PLA2G4A: variants seen among roughly 807,000 people sequenced by gnomAD.
The protein encoded by PLA2G4A is phospholipase A2 group IVA, also known as cytosolic phospholipase A2.
PLA2G4A carries 40 observed loss-of-function variants against 81.9 expected under a neutral mutation model. The ratio of observed to expected loss-of-function variants is 0.49; its 90% CI spans 0.38 to 0.64. The LOEUF is 0.64. PLA2G4A is among the 30% of genes least tolerant of loss of function. The probability of loss-of-function intolerance (pLI) is 0.00; values close to 1 mark genes in which losing one functional copy is unlikely to be tolerated. For synonymous variants in PLA2G4A, 302 were observed against 296.9 expected, an observed-to-expected ratio of 1.02 and a Z score of -0.18; for missense variants, 715 against 905.1, an observed-to-expected ratio of 0.79 and a Z score of 2.69.
At chr1:186,962,568 C>A (rs1333735294) in intron 14 of PLA2G4A, among the ~76,000 whole-genome samples, 1 of 151,710 alleles carries the variant, frequency 6.6e-6, no homozygotes, top group African/African-American at 2.4e-5. Context: ...GTCGCCCAGG[C>A]TGCAGTGCAG....
intron 15 of PLA2G4A, among the ~76,000 whole-genome samples, chr1:186,970,226 A>G (rs1657302251): frequency 2.0e-5 from 3 of 151,934 alleles, no homozygotes; most frequent in African/African-American, 7.2e-5. Flanking sequence ...CGAAGTATCT[A>G]TTCAGATCTT....
intron 14 of PLA2G4A, among the ~76,000 whole-genome samples, chr1:186,962,966 A>C (rs1266378696): frequency 6.6e-6 from 1 of 152,188 alleles, no homozygotes; most frequent in Non-Finnish European, 1.5e-5. Context: ...TCTGTTTGAA[A>C]ATAGACAATT....
intron 3 of PLA2G4A, chr1:186,870,880 C>T (rs959487139): frequency 5.8e-6 from 3 of 515,028 alleles, no homozygotes; most frequent in African/African-American, 5.8e-5. Flanking sequence ...TGAACGATAA[C>T]ATTTCGAACA....
At chr1:186,951,453 T>TAA (rs10647022) in intron 13 of PLA2G4A, among the ~76,000 whole-genome samples, 140,082 of 149,936 alleles carry the variant, frequency 0.93, 65,473 homozygotes, top group East Asian at 1. Flanking sequence ...TCCCAATAGT[T>TAA]AAAAAAAAGC....
Position 186,965,609 on chromosome 1 carries a change from A to G in PLA2G4A, c.1764+16A>G. On this transcript the variant is annotated intron_variant, in intron 15 of 17. Coordinates refer to ENST00000367466, the MANE Select transcript of PLA2G4A (RefSeq NM_024420.3). Reference sequence around the variant, plus strand: ...TCCGTTCAAGGTAAGGATACATAATACAGCATTCCATTCTCTACCACATTC... The same window carrying G: ...TCCGTTCAAGGTAAGGATACATAATGCAGCATTCCATTCTCTACCACATTC... 1 of 1,568,210 alleles carries G rather than the reference A, an allele frequency of 6.4e-7. No individual in the cohort carries two copies. The highest frequency in any genetic ancestry group is 2.2e-5 in the East Asian group (1 of 44,668).
Position 186,965,425 on chromosome 1 carries a change from G to C in PLA2G4A, c.1596G>C (p.Glu532Asp). 2 of 1,605,524 alleles carry C rather than the reference G, an allele frequency of 1.2e-6. No homozygotes were observed. The highest frequency in any genetic ancestry group is 1.7e-6 in the Non-Finnish European group (2 of 1,172,322). The change falls in exon 15 of 18, where the codon GAG (glutamate) becomes GAC (aspartate). Residue 532 changes from glutamate to aspartate, a missense_variant. Physicochemically the swap from Glu to Asp is conservative, Grantham distance 45. Coordinates refer to ENST00000367466, the MANE Select transcript of PLA2G4A (RefSeq NM_024420.3). ...GTTTTTAAGATCCTGATGAATTTGA[G>C]CGAATATATGAGCCTCTGGATGTCA... The part of the protein sequence containing the change: ...DAAVADPDEF[E>D]RIYEPLDVKS...
intron 3 of PLA2G4A, among the ~76,000 whole-genome samples, chr1:186,888,630 T>C (rs2102099924): frequency 6.6e-6 from 1 of 152,344 alleles, no homozygotes; most frequent in Non-Finnish European, 1.5e-5. Flanking sequence ...AACATTTGAC[T>C]CACTTCCATA....
intron 1 of PLA2G4A, among the ~76,000 whole-genome samples, chr1:186,830,037 G>A (rs1172521952): frequency 6.6e-6 from 1 of 152,168 alleles, no homozygotes. Context: ...AGGGATATTT[G>A]TAGAGGACTG....
chr1:186,834,197 C>T (rs1356064506), intron 1 of PLA2G4A, among the ~76,000 whole-genome samples: 3 of 151,452 alleles, frequency 2.0e-5, no homozygotes, highest in Non-Finnish European at 2.9e-5. Flanking sequence ...AAGCTGTTTT[C>T]TCACTATCTA....
Position 186,851,614 on chromosome 1 carries a change from T to C in PLA2G4A, c.-69-2672T>C, listed in dbSNP as rs144138779. Among the ~76,000 whole-genome samples the C allele has an allele frequency of 8.5e-4, 129 of 152,106 alleles. 1 individual carries two copies. The East Asian group carries it at 0.024, about 28-fold the overall frequency. ...CACTTTAAAAATGTTGTAATAGAAA[T>C]AGCACAGAAAATGCTGATAATGGGA... On this transcript the variant is annotated intron_variant, in intron 1 of 17. Coordinates refer to ENST00000367466, the MANE Select transcript of PLA2G4A (RefSeq NM_024420.3).
intron 3 of PLA2G4A, 192 bp downstream of exon 3, chr1:186,870,708 T>G: frequency 1.3e-6 from 2 of 1,501,378 alleles, no homozygotes; most frequent in Non-Finnish European, 1.8e-6. Context: ...GGGCCTTAAA[T>G]TAGCCAAAGT....
chr1:186,949,346 GAGAA>G (rs71104902), intron 12 of PLA2G4A, among the ~76,000 whole-genome samples: 39 of 96,578 alleles, frequency 4.0e-4, no homozygotes, highest in African/African-American at 1.2e-3. Flanking sequence ...AAGAAAGAAA[GAGAA>G]AGAAAGAAAG....
Position 186,839,231 on chromosome 1 carries a change from T to G in PLA2G4A, c.-70+10196T>G, listed in dbSNP as rs542820734. Among the ~76,000 whole-genome samples, 159 of 152,334 alleles carry G rather than the reference T, an allele frequency of 1.0e-3. 2 individuals carry two copies. The highest frequency in any genetic ancestry group is 3.5e-3 in the African/African-American group (146 of 41,572). On this transcript the variant is annotated intron_variant, in intron 1 of 17. Transcript: ENST00000367466. ...GCATGGTGAGAAGAGAGAGTGTTTT[T>G]TGTGGTCAGATGGATTTCAGTTTGT...
chr1:186,938,728 C>A (rs1656041366), intron 8 of PLA2G4A, among the ~76,000 whole-genome samples: 2 of 152,102 alleles, frequency 1.3e-5, no homozygotes, highest in Admixed American at 6.6e-5. Context: ...CCTGGCACAC[C>A]AGACAATGGA....
At chr1:186,872,105 G>A (rs1653295423) in intron 3 of PLA2G4A, among the ~76,000 whole-genome samples, 2 of 151,946 alleles carry the variant, frequency 1.3e-5, no homozygotes, top group African/African-American at 4.8e-5. Context: ...GGAGAGCAAT[G>A]GCAATTTCTT....
chr1:186,926,979 G>A (rs1655572461), intron 7 of PLA2G4A, among the ~76,000 whole-genome samples: 1 of 152,130 alleles, frequency 6.6e-6, no homozygotes, highest in African/African-American at 2.4e-5. Flanking sequence ...TAATGAACTA[G>A]TCAAATAGTT....
At position 186,854,272 on chromosome 1, in the gene PLA2G4A, T is replaced by G. The variant is rs1456617514; in HGVS notation, c.-69-14T>G. ...CAAGAGGAAGCTTAACAATAGTGAT[T>G]GTTTATTTTGTAGGTTTTAAAGACG... is the stretch of plus-strand genomic sequence containing the variant. On this transcript the variant is annotated splice_polypyrimidine_tract_variant and intron_variant, in intron 1 of 17. Transcript: ENST00000367466. The G allele has an allele frequency of 8.5e-6, 7 of 819,034 alleles. No individual in the cohort carries two copies. The highest frequency in any genetic ancestry group is 1.7e-5 in the African/African-American group (1 of 59,146). 50.7% of individuals were successfully genotyped at this position (819,034 alleles called of 1,614,324 possible).
chr1:186,856,065 A>G (rs1294659079), intron 2 of PLA2G4A, among the ~76,000 whole-genome samples: 1 of 150,524 alleles, frequency 6.6e-6, no homozygotes. Context: ...TACACACACA[A>G]ACACACACAC....
rs569823755 is a variant in PLA2G4A, at chr1:186,902,068, G to A, written c.379-4897G>A. ...ATGGTACAGCCTGCTATACACCTAG[G>A]CTATATGGTGTAGCCTATTGCTCCT... On this transcript the variant is annotated intron_variant, in intron 5 of 17. Transcript: ENST00000367466. Among the ~76,000 whole-genome samples, 65 of 152,110 alleles carry A rather than the reference G, an allele frequency of 4.3e-4. 2 individuals are homozygous for A. Among genetic ancestry groups the A allele is most frequent in the Non-Finnish European group, 1.2e-4 (8 of 68,030 alleles).
Sources: gnomAD v4.1 joint callset for allele counts (sites outside exome capture counted in the v4.1 genomes callset) on GRCh38, gnomAD v4.1.1 for gene constraint, MANE v1.5 for transcripts, NCBI Gene and HGNC (gene_info 2026-07-23, HGNC 2026-07-21) for gene names.